ELF4: variants seen among roughly 807,000 people sequenced by gnomAD.
ELF4 encodes the protein ETS-related transcription factor Elf-4.
In ELF4, 10 loss-of-function variants were observed where a neutral mutation model predicts 31.7. That is an observed-to-expected ratio of 0.32 (90% confidence interval 0.19 to 0.54). The LOEUF is 0.54. Among genes scored for constraint, ELF4 ranks in the 20% least tolerant of loss-of-function variants. The pLI is 0.95. For synonymous variants in ELF4, 208 were observed against 226.7 expected, an observed-to-expected ratio of 0.92 and a Z score of 0.74; for missense variants, 418 against 522.0, an observed-to-expected ratio of 0.80 and a Z score of 1.94.
chrX:130,074,458 A>G (rs777518326), intron 3 of ELF4, 123 bp downstream of exon 3: 31 of 972,251 alleles, frequency 3.2e-5, no homozygotes, highest in Non-Finnish European at 4.4e-5. Context: ...AAGCAGCACA[A>G]CTTTTTGGCT....
At position 130,067,231 on chromosome X, in the gene ELF4, G is replaced by C; in HGVS notation, c.1482C>G (p.Asn494Lys). Residue 494 changes from asparagine to lysine, a missense_variant, in exon 9 of 9, where the codon AAC (asparagine) becomes AAG (lysine). Transcript: ENST00000308167. ...TGGGTGGCGCCGGGTTGGTCGGACG[G>C]TTGGCCCCAGCCAGAAGTTGGGGGA... Reference protein sequence around the residue: ...SGLPQLLAGANRPTNPAPPTV... With the variant: ...SGLPQLLAGAKRPTNPAPPTV... 1 of 1,212,055 alleles carries C rather than the reference G, an allele frequency of 8.3e-7. No individual in the cohort carries two copies.
At chrX:130,088,096 A>G (rs1367192909) in intron 1 of ELF4, among the ~76,000 whole-genome samples, 1 of 110,967 alleles carries the variant, frequency 9.0e-6, no homozygotes, top group East Asian at 2.8e-4. Context: ...CCCTTTAGGA[A>G]GGGCAGTTTG....
intron 1 of ELF4, among the ~76,000 whole-genome samples, chrX:130,102,851 G>C (rs1327133896): frequency 2.0e-5 from 1 of 48,965 alleles, no homozygotes; most frequent in Non-Finnish European, 3.5e-5. Flanking sequence ...GCAAGATAAA[G>C]ATGAGAGAGA....
chrX:130,074,330 G>A (rs1347472219), intron 3 of ELF4, among the ~76,000 whole-genome samples, 189 bp from the exon 4 acceptor site: 1 of 111,277 alleles, frequency 9.0e-6, no homozygotes, highest in African/African-American at 3.3e-5. Context: ...GGACAGCCAG[G>A]AAGGGCCCAG....
intron 1 of ELF4, 113 bp from the exon 2 acceptor site, chrX:130,081,652 G>A (rs1053683142): frequency 1.7e-5 from 6 of 343,782 alleles, no homozygotes; most frequent in South Asian, 4.4e-5. Context: ...ACTGCCAATA[G>A]AGGAGTGGCC....
At chrX:130,074,861 G>T in intron 2 of ELF4, 109 bp from the exon 3 acceptor site, 1 of 923,452 alleles carries the variant, frequency 1.1e-6, no homozygotes, top group Non-Finnish European at 1.5e-6. Context: ...GTTCATCAGG[G>T]ACTGTCCTTT....
In ELF4 at chrX:130,066,910, A is replaced by G; in HGVS notation, c.1803T>C (p.Pro601=). The change falls in exon 9 of 9, where the codon CCT becomes CCC. Residue 601 remains proline, a synonymous_variant. Coordinates refer to ENST00000308167, the MANE Select transcript of ELF4 (RefSeq NM_001421.4). ...PSLLGNQTLS[P]PSRPTVGLTP... is the part of the protein sequence containing the mutation. ...TCAGCCCAACAGTGGGGCGGCTGGGAGGAGACAAAGTCTGGTTGCCCAGAA... is the reference window on the plus strand; with the variant it reads ...TCAGCCCAACAGTGGGGCGGCTGGGGGGAGACAAAGTCTGGTTGCCCAGAA... The G allele has an allele frequency of 8.3e-7, 1 of 1,212,054 alleles. No individual in the cohort carries two copies. Among genetic ancestry groups the G allele is most frequent in the Non-Finnish European group, 1.1e-6 (1 of 895,556 alleles).
At position 130,066,460 on chromosome X, in the gene ELF4, T is replaced by C; in HGVS notation, c.*261A>G. On this transcript the variant is annotated 3_prime_UTR_variant, in exon 9 of 9. Coordinates refer to ENST00000308167, the MANE Select transcript of ELF4 (RefSeq NM_001421.4). Reference sequence around the variant, plus strand: ...CACAAACTTCTGCCTGGCTCAAGGCTTTTTCCCTCCATCACCAAGTCAGCC... The same window carrying C: ...CACAAACTTCTGCCTGGCTCAAGGCCTTTTCCCTCCATCACCAAGTCAGCC... 2.6e-6 allele frequency: 1 copy of C among 379,109 alleles called. No individual in the cohort carries two copies. The highest frequency in any genetic ancestry group is 4.6e-6 in the Non-Finnish European group (1 of 219,184). The allele number at this position is 379,109 out of a possible 1,213,427, so 31.2% of individuals were successfully genotyped here. A position where few individuals can be genotyped will look rare whatever the true frequency, so the allele number is the denominator to read the frequency against.
At position 130,066,256 on chromosome X, in the gene ELF4, C is replaced by G. The variant is rs1932667241; in HGVS notation, c.*465G>C. ...CATACACACACCCTTGGAGACAAGA[C>G]CTCACAGCTACAGCCCTGTCCTCCC... On this transcript the variant is annotated 3_prime_UTR_variant, in exon 9 of 9. Coordinates refer to ENST00000308167, the MANE Select transcript of ELF4 (RefSeq NM_001421.4). The G allele has an allele frequency of 5.4e-6, 1 of 185,811 alleles. No homozygotes were observed. Among genetic ancestry groups the G allele is most frequent in the Non-Finnish European group, 1.0e-5 (1 of 97,922 alleles). The allele number at this position is 185,811 out of a possible 1,213,427, so 15.3% of individuals were successfully genotyped here.
intron 2 of ELF4, among the ~76,000 whole-genome samples, chrX:130,080,250 G>A (rs1603203687): frequency 9.1e-6 from 1 of 109,712 alleles, no homozygotes; most frequent in African/African-American, 3.3e-5. Context: ...GGTGAAACCC[G>A]GTCTCTACTA....
At chrX:130,085,791 C>G (rs1932951972) in intron 1 of ELF4, among the ~76,000 whole-genome samples, 1 of 111,418 alleles carries the variant, frequency 9.0e-6, no homozygotes, top group Non-Finnish European at 1.9e-5. Flanking sequence ...GTGACAATTT[C>G]CTTCATGCCA....
intron 1 of ELF4, among the ~76,000 whole-genome samples, chrX:130,102,926 G>A (rs182931061): frequency 0.011 from 1,055 of 93,941 alleles, 48 homozygotes; most frequent in African/African-American, 0.046. Context: ...AAGAAAGAGA[G>A]AGAAGGAGGG....
In ELF4 at chrX:130,064,910, C is replaced by T. The variant is rs960223442; in HGVS notation, c.*1811G>A. 8.7e-5 allele frequency: 13 copies of T among 150,263 alleles called. No homozygotes were observed. The highest frequency in any genetic ancestry group is 4.0e-4 in the African/African-American group (13 of 32,490). The allele number at this position is 150,263 out of a possible 1,213,427, so 12.4% of individuals were successfully genotyped here. ...TGGTGACCCTTTATCAAGATGCTTACTTTCAACCATCAGGAAACTGTCATA... is the reference window on the plus strand; with the variant it reads ...TGGTGACCCTTTATCAAGATGCTTATTTTCAACCATCAGGAAACTGTCATA... On this transcript the variant is annotated 3_prime_UTR_variant, in exon 9 of 9. Transcript: ENST00000308167.
chrX:130,090,773 A>G (rs1404477647), intron 1 of ELF4, among the ~76,000 whole-genome samples: 1 of 112,381 alleles, frequency 8.9e-6, no homozygotes, highest in Non-Finnish European at 1.9e-5. Flanking sequence ...ATGATTGGGA[A>G]AAATCAAAAG....
In ELF4 at chrX:130,081,537, G is replaced by A; in HGVS notation, c.-207C>T. 1 of 459,976 alleles carries A rather than the reference G, an allele frequency of 2.2e-6. No homozygotes were observed. The highest frequency in any genetic ancestry group is 3.1e-5 in the South Asian group (1 of 32,480). 37.9% of individuals were successfully genotyped at this position (459,976 alleles called of 1,213,427 possible). The stretch of plus-strand genomic sequence containing the variant: ...TCTGGGCTGGACCAACCACAGGAGC[G>A]ACCTAGAGAGAAGGGAGAGATGGGG... On this transcript the variant is annotated splice_region_variant and 5_prime_UTR_variant, in exon 2 of 9. Transcript: ENST00000308167.
chrX:130,078,481 G>A (rs1205060142), intron 2 of ELF4, among the ~76,000 whole-genome samples: 1 of 110,633 alleles, frequency 9.0e-6, no homozygotes, highest in East Asian at 2.9e-4. Context: ...AATTAGGCCG[G>A]GCATGGTGGC....
intron 5 of ELF4, 62 bp downstream of exon 5, chrX:130,072,164 C>CG: frequency 1.8e-5 from 21 of 1,151,642 alleles, no homozygotes; most frequent in Non-Finnish European, 2.0e-5. Context: ...GAGCCCTGAC[C>CG]GCCCCCCCAC....
intron 1 of ELF4, among the ~76,000 whole-genome samples, chrX:130,097,597 T>C (rs1245394575): frequency 1.8e-5 from 2 of 112,516 alleles, no homozygotes; most frequent in Admixed American, 9.4e-5. Context: ...ATAGTGATGA[T>C]GAAGATTTTC....
intron 1 of ELF4, among the ~76,000 whole-genome samples, chrX:130,104,277 T>TAC (rs61193112): frequency 0.32 from 27,718 of 86,038 alleles, 4,150 homozygotes; most frequent in East Asian, 0.53. Context: ...TTCAGTATAT[T>TAC]ACACACACAC....
Sources: gnomAD v4.1 joint callset for allele counts (sites outside exome capture counted in the v4.1 genomes callset) on GRCh38, gnomAD v4.1.1 for gene constraint, MANE v1.5 for transcripts, NCBI Gene and HGNC (gene_info 2026-07-23, HGNC 2026-07-21) for gene names.